The following TRHDE variants were observed in gnomAD, a reference collection of about 807,000 sequenced individuals.
TRHDE encodes the protein thyrotropin-releasing hormone-degrading ectoenzyme.
Under a neutral mutation model 125.7 loss-of-function variants are expected in TRHDE, and 72 were observed. The ratio of observed to expected loss-of-function variants is 0.57; its 90% confidence interval spans 0.47 to 0.70. The LOEUF is 0.70. Ranked by LOEUF, TRHDE falls within the 30% of genes least tolerant of loss-of-function variation. The pLI is 0.00. For missense variants in TRHDE, 1,110 were observed against 1,327.1 expected (o/e 0.84, Z 2.54); for synonymous variants, 509 against 509.1 (o/e 1.00, Z 0.00).
chr12:72,483,085 G>A (rs1210009938), intron 5 of TRHDE, among the ~76,000 whole-genome samples: 1 of 151,100 alleles, frequency 6.6e-6, no homozygotes, highest in Non-Finnish European at 1.5e-5. Context: ...ACATTGACTT[G>A]TTCTCTTTCT....
At chr12:72,604,320 T>A (rs1035715580) in intron 12 of TRHDE, among the ~76,000 whole-genome samples, 32 of 152,140 alleles carry the variant, frequency 2.1e-4, no homozygotes, top group Non-Finnish European at 3.7e-4. Flanking sequence ...AAGTTTTTTT[T>A]TAAAGGGCAT....
chr12:72,635,899 A>G (rs1873722692), intron 15 of TRHDE, among the ~76,000 whole-genome samples: 1 of 152,150 alleles, frequency 6.6e-6, no homozygotes, highest in African/African-American at 2.4e-5. Flanking sequence ...TCTTTTGGTT[A>G]CTGTAGCCTT....
intron 2 of TRHDE, among the ~76,000 whole-genome samples, chr12:72,162,618 TTCCC>T (rs1332456791): frequency 6.6e-6 from 1 of 152,210 alleles, no homozygotes. Flanking sequence ...AAGCACTGAA[TTCCC>T]TACATAAAAC....
intron 2 of TRHDE, among the ~76,000 whole-genome samples, chr12:72,109,818 C>A (rs1016736222): frequency 6.6e-6 from 1 of 152,052 alleles, no homozygotes; most frequent in Non-Finnish European, 1.5e-5. Context: ...TAAATTGTTA[C>A]TCATTGCCTG....
At chr12:72,436,522 T>G (rs1482637467) in intron 3 of TRHDE, among the ~76,000 whole-genome samples, 1 of 152,068 alleles carries the variant, frequency 6.6e-6, no homozygotes, top group South Asian at 2.1e-4. Flanking sequence ...TAATGGTGTT[T>G]GTTTTTGTTT....
chr12:72,144,709 T>C (rs962419715), intron 2 of TRHDE, among the ~76,000 whole-genome samples: 1 of 152,180 alleles, frequency 6.6e-6, no homozygotes, highest in Non-Finnish European at 1.5e-5. Flanking sequence ...GGCCTGACTT[T>C]CTCAGTGGGA....
intron 2 of TRHDE, among the ~76,000 whole-genome samples, chr12:72,349,082 T>C (rs1394416716): frequency 6.6e-6 from 1 of 152,060 alleles, no homozygotes. Context: ...CAATTGTAAG[T>C]GATGTAATCC....
chr12:72,512,172 T>C (rs1258198865), intron 6 of TRHDE, among the ~76,000 whole-genome samples: 1 of 151,896 alleles, frequency 6.6e-6, no homozygotes, highest in African/African-American at 2.4e-5. Flanking sequence ...GTCAGAGCCA[T>C]GTAACCCTTA....
Position 72,388,116 on chromosome 12 carries a change from C to T in TRHDE, c.1315+9995C>T, listed in dbSNP as rs1008288202. Among the ~76,000 whole-genome samples the T allele has an allele frequency of 3.3e-5, 5 of 152,140 alleles. No homozygotes were observed. In the East Asian group the frequency reaches 9.7e-4, roughly 30 times the overall value. ...CATTCCTCGCTGTTTCTCCAACAGG[C>T]CAAACCCATTCCAACCCAAGGCCTT... On this transcript the variant is annotated intron_variant, in intron 3 of 18. Coordinates refer to ENST00000261180, the MANE Select transcript of TRHDE (RefSeq NM_013381.3).
intron 6 of TRHDE, among the ~76,000 whole-genome samples, chr12:72,516,027 C>G (rs1159142411): frequency 6.6e-6 from 1 of 150,984 alleles, no homozygotes; most frequent in Non-Finnish European, 1.5e-5. Flanking sequence ...CAGTACCATG[C>G]TGTTTTGGTT....
intron 2 of TRHDE, among the ~76,000 whole-genome samples, chr12:72,365,734 TAAG>T (rs1871315230): frequency 6.6e-6 from 1 of 152,144 alleles, no homozygotes; most frequent in Non-Finnish European, 1.5e-5. Context: ...GGCAAGAAGA[TAAG>T]AAGGTATAAT....
At chr12:72,348,979 AT>A (rs1344564596) in intron 2 of TRHDE, among the ~76,000 whole-genome samples, 1 of 151,334 alleles carries the variant, frequency 6.6e-6, no homozygotes, top group Non-Finnish European at 1.5e-5. Flanking sequence ...TGGTTAATGG[AT>A]TTTGCTTTTT....
intron 1 of TRHDE, among the ~76,000 whole-genome samples, chr12:72,090,582 G>T (rs945051495): frequency 6.6e-6 from 1 of 152,090 alleles, no homozygotes; most frequent in Non-Finnish European, 1.5e-5. Context: ...TCATGTTCTT[G>T]TACTGCCCAT....
At chr12:72,381,545 G>A (rs971082429) in intron 3 of TRHDE, among the ~76,000 whole-genome samples, 2 of 151,534 alleles carry the variant, frequency 1.3e-5, no homozygotes, top group African/African-American at 2.4e-5. Context: ...ACAGGCGCCC[G>A]CCACTACGCC....
intron 3 of TRHDE, among the ~76,000 whole-genome samples, chr12:72,439,532 G>A (rs911761253): frequency 2.1e-4 from 32 of 151,330 alleles, no homozygotes; most frequent in Non-Finnish European, 3.1e-4. Context: ...CCATTTCTAG[G>A]TACTTAATTT....
At chr12:72,493,749 C>A (rs1385559689) in intron 5 of TRHDE, among the ~76,000 whole-genome samples, 2 of 151,980 alleles carry the variant, frequency 1.3e-5, no homozygotes, top group African/African-American at 4.8e-5. Context: ...CCCAAACGAA[C>A]CACACTATCT....
At chr12:72,178,555 T>C (rs1368817295) in intron 2 of TRHDE, among the ~76,000 whole-genome samples, 1 of 152,046 alleles carries the variant, frequency 6.6e-6, no homozygotes, top group Non-Finnish European at 1.5e-5. Flanking sequence ...AAAATTACTG[T>C]AGCCTGTGTG....
chr12:72,148,448 G>C (rs1473859106), intron 2 of TRHDE, among the ~76,000 whole-genome samples: 1 of 152,114 alleles, frequency 6.6e-6, no homozygotes, highest in Non-Finnish European at 1.5e-5. Flanking sequence ...CAGACATTTT[G>C]CACCTCAATT....
At chr12:72,096,986 C>A (rs957884711) in intron 1 of TRHDE, among the ~76,000 whole-genome samples, 3 of 152,162 alleles carry the variant, frequency 2.0e-5, no homozygotes, top group African/African-American at 7.2e-5. Flanking sequence ...CCCTTATTGG[C>A]CAATTCGATT....
Sources: allele counts gnomAD v4.1 joint callset (sites outside exome capture counted in the v4.1 genomes callset), GRCh38; gene constraint gnomAD v4.1.1; transcripts MANE v1.5; gene names NCBI Gene and HGNC (gene_info 2026-07-23, HGNC 2026-07-21).